ITFG1: variants seen among roughly 807,000 people sequenced by gnomAD.
ITFG1 encodes T-cell immunomodulatory protein.
ITFG1 carries 34 observed loss-of-function variants against 81.8 expected under a neutral mutation model. The observed-to-expected ratio is 0.42, with a 90% CI of 0.32 to 0.55. The LOEUF is 0.55. Ranked by LOEUF, ITFG1 falls within the 20% of genes least tolerant of loss-of-function variation. The pLI is 0.17. For missense variants in ITFG1, 672 were observed against 755.4 expected (o/e 0.89, Z 1.29); for synonymous variants, 285 against 270.6 (o/e 1.05, Z -0.52).
chr16:47,353,938 A>G (rs186288731), intron 8 of ITFG1, among the ~76,000 whole-genome samples: 1 of 152,170 alleles, frequency 6.6e-6, no homozygotes, highest in Non-Finnish European at 1.5e-5. Flanking sequence ...GAATTCATAA[A>G]TATAACCAAA....
At chr16:47,249,641 G>A (rs1442816580) in intron 12 of ITFG1, among the ~76,000 whole-genome samples, 1 of 152,280 alleles carries the variant, frequency 6.6e-6, no homozygotes, top group East Asian at 1.9e-4. Flanking sequence ...GTTATTAGGA[G>A]ATTTAATTTG....
chr16:47,405,401 A>AAC (rs1286340218), intron 6 of ITFG1, among the ~76,000 whole-genome samples: 2 of 152,214 alleles, frequency 1.3e-5, no homozygotes, highest in Non-Finnish European at 2.9e-5. Flanking sequence ...TTATGAATAG[A>AAC]ACATTTTATT....
At chr16:47,304,729 C>T (rs1026034018) in intron 10 of ITFG1, among the ~76,000 whole-genome samples, 2 of 152,252 alleles carry the variant, frequency 1.3e-5, no homozygotes, top group African/African-American at 2.4e-5. Flanking sequence ...GGTGATTCCA[C>T]ACACGATAAC....
Position 47,393,388 on chromosome 16 carries a change from C to T in ITFG1, c.656-17448G>A, listed in dbSNP as rs550495805. ...AAGGGGCTATACTGGTATTGAACTCCTAGGTGTTAAGGAGAAGGTCCTTGG... is the reference window on the plus strand; with the variant it reads ...AAGGGGCTATACTGGTATTGAACTCTTAGGTGTTAAGGAGAAGGTCCTTGG... On this transcript the variant is annotated intron_variant, in intron 6 of 17. Coordinates refer to ENST00000320640, the MANE Select transcript of ITFG1 (RefSeq NM_030790.5). Among the ~76,000 whole-genome samples the T allele has an allele frequency of 4.6e-5, 7 of 152,168 alleles. No homozygotes were observed. The South Asian group carries it at 1.5e-3, about 32-fold the overall frequency.
At chr16:47,226,903 A>C (rs1370254925) in intron 13 of ITFG1, among the ~76,000 whole-genome samples, 1 of 152,194 alleles carries the variant, frequency 6.6e-6, no homozygotes, top group Non-Finnish European at 1.5e-5. Flanking sequence ...GGTTATGTTA[A>C]TATAATGGGT....
chr16:47,435,693 G>A (rs1309673705), intron 5 of ITFG1, among the ~76,000 whole-genome samples: 2 of 152,168 alleles, frequency 1.3e-5, no homozygotes, highest in East Asian at 1.9e-4. Context: ...CTAGGAGATG[G>A]TTCTGGCATG....
At chr16:47,272,344 T>C (rs1966351569) in intron 10 of ITFG1, among the ~76,000 whole-genome samples, 1 of 152,138 alleles carries the variant, frequency 6.6e-6, no homozygotes, top group African/African-American at 2.4e-5. Context: ...GGGGCTTCTT[T>C]TTAGGGTAAT....
At chr16:47,221,871 T>C (rs1965696098) in intron 13 of ITFG1, among the ~76,000 whole-genome samples, 2 of 152,244 alleles carry the variant, frequency 1.3e-5, no homozygotes, top group Admixed American at 1.3e-4. Flanking sequence ...TTTATTTGCG[T>C]AGAGGTGTTT....
At chr16:47,243,174 GTAGT>G (rs1306180502) in intron 12 of ITFG1, among the ~76,000 whole-genome samples, 1 of 152,002 alleles carries the variant, frequency 6.6e-6, no homozygotes, top group African/African-American at 2.4e-5. Context: ...ATACTATTCA[GTAGT>G]TAAAGAAGTT....
chr16:47,180,388 C>A (rs553222671), intron 14 of ITFG1, among the ~76,000 whole-genome samples: 1 of 151,790 alleles, frequency 6.6e-6, no homozygotes, highest in African/African-American at 2.4e-5. Context: ...CCTCTCCCCA[C>A]GGTCTCCCTC....
At chr16:47,255,315 G>A (rs1966127398) in intron 12 of ITFG1, among the ~76,000 whole-genome samples, 1 of 152,204 alleles carries the variant, frequency 6.6e-6, no homozygotes, top group African/African-American at 2.4e-5. Context: ...CTCATCATGT[G>A]TTACTCTTTC....
At chr16:47,270,744 TAC>T in intron 10 of ITFG1, among the ~76,000 whole-genome samples, 2 of 152,224 alleles carry the variant, frequency 1.3e-5, no homozygotes, top group Non-Finnish European at 2.9e-5. Context: ...GAGCTAAAGA[TAC>T]ATGTAAAACC....
chr16:47,436,057 T>G (rs1336261307), intron 5 of ITFG1, among the ~76,000 whole-genome samples: 1 of 152,098 alleles, frequency 6.6e-6, no homozygotes, highest in Non-Finnish European at 1.5e-5. Context: ...TATTCAGAAA[T>G]TGTACATCTT....
intron 11 of ITFG1, 137 bp from the exon 12 acceptor site, chr16:47,258,877 C>T (rs992910853): frequency 2.3e-5 from 11 of 476,138 alleles, no homozygotes; most frequent in Admixed American, 4.4e-5. Context: ...AAAATAAAAT[C>T]GCTATTAAAA....
intron 14 of ITFG1, among the ~76,000 whole-genome samples, chr16:47,172,494 A>T (rs1384927002): frequency 6.6e-6 from 1 of 152,066 alleles, no homozygotes. Context: ...TTTCAAAACA[A>T]AACAACAACC....
intron 10 of ITFG1, among the ~76,000 whole-genome samples, chr16:47,288,883 G>A (rs1490258457): frequency 6.6e-6 from 1 of 152,100 alleles, no homozygotes; most frequent in Admixed American, 6.5e-5. Flanking sequence ...GTAACAGTGC[G>A]AGACTCTTAA....
At chr16:47,391,307 G>C (rs1055254612) in intron 6 of ITFG1, among the ~76,000 whole-genome samples, 2 of 152,138 alleles carry the variant, frequency 1.3e-5, no homozygotes, top group Non-Finnish European at 2.9e-5. Context: ...CAGTTGAAGA[G>C]AGTCTATATA....
At chr16:47,418,200 CT>C (rs1417220455) in intron 6 of ITFG1, among the ~76,000 whole-genome samples, 1 of 152,092 alleles carries the variant, frequency 6.6e-6, no homozygotes, top group African/African-American at 2.4e-5. Flanking sequence ...TACTCAGATC[CT>C]TTGCCCTCTT....
intron 8 of ITFG1, among the ~76,000 whole-genome samples, chr16:47,348,968 C>T (rs148904207): frequency 0.017 from 2,562 of 152,078 alleles, 69 homozygotes; most frequent in African/African-American, 0.059. Context: ...CTAAGCTTCA[C>T]AAGTGAAGGA....
Sources: gnomAD v4.1 joint callset for allele counts (sites outside exome capture counted in the v4.1 genomes callset) on GRCh38, gnomAD v4.1.1 for gene constraint, MANE v1.5 for transcripts, NCBI Gene and HGNC (gene_info 2026-07-23, HGNC 2026-07-21) for gene names.